The following SLCO1A2 variants were observed in gnomAD, a reference collection of about 807,000 sequenced individuals.
SLCO1A2 encodes the protein solute carrier organic anion transporter family member 1A2.
Under a neutral mutation model 69.0 loss-of-function variants are expected in SLCO1A2, and 67 were observed. That is an observed-to-expected ratio of 0.97 (90% CI 0.80 to 1.19). The LOEUF (loss-of-function observed/expected upper bound fraction) is 1.19. SLCO1A2 is among the 50% of genes most tolerant of loss of function. The pLI, the probability that SLCO1A2 is intolerant of heterozygous loss-of-function variation, is 0.00. For synonymous variants in SLCO1A2, 260 were observed against 265.9 expected, an observed-to-expected ratio of 0.98 and a Z score of 0.22; for missense variants, 787 against 793.7, an observed-to-expected ratio of 0.99 and a Z score of 0.10.
At chr12:21,272,550 C>T (rs189800080) in intron 14 of SLCO1A2, among the ~76,000 whole-genome samples, 102 of 151,694 alleles carry the variant, frequency 6.7e-4, no homozygotes, top group African/African-American at 2.4e-3. Context: ...TTAATTTTTT[C>T]CCTTTAACTT....
chr12:21,316,735 T>C (rs953127277), intron 3 of SLCO1A2, among the ~76,000 whole-genome samples: 1 of 152,150 alleles, frequency 6.6e-6, no homozygotes, highest in Admixed American at 6.5e-5. Flanking sequence ...CCCTATATCC[T>C]CTCCCTGAAT....
intron 12 of SLCO1A2, among the ~76,000 whole-genome samples, chr12:21,285,898 T>C (rs1945689443): frequency 6.6e-6 from 1 of 151,114 alleles, no homozygotes; most frequent in Non-Finnish European, 1.5e-5. Context: ...CCACAGCCAA[T>C]ATCATACTGA....
chr12:21,367,237 C>A (rs1427884023), intron 2 of SLCO1A2, among the ~76,000 whole-genome samples: 1 of 152,092 alleles, frequency 6.6e-6, no homozygotes, highest in Non-Finnish European at 1.5e-5. Context: ...TGCTCAGAAA[C>A]AAAAGGTCTC....
At position 21,269,660 on chromosome 12, in the gene SLCO1A2, G is replaced by C; in HGVS notation, c.1901C>G (p.Ser634Cys). 1 of 1,612,590 alleles carries C rather than the reference G, an allele frequency of 6.2e-7. No homozygotes were observed. Among genetic ancestry groups the C allele is most frequent in the Non-Finnish European group, 8.5e-7 (1 of 1,179,062 alleles). ...TGTCTCTATAAGCTCTGTTCCTGAA[G>C]AGGCATTTTCACCAGGTAGATGACA... Reference protein sequence around the residue: ...RKCHLPGENASSGTELIETKV... With the variant: ...RKCHLPGENACSGTELIETKV... The change falls in exon 15 of 15, where the codon TCT becomes TGT. Residue 634 changes from serine (S) to cysteine (C), a missense_variant. By Grantham distance (112) the Ser-to-Cys change is moderately radical. Coordinates refer to ENST00000683939, the MANE Select transcript of SLCO1A2 (RefSeq NM_001386879.1).
At chr12:21,401,941 T>C (rs1342983031) in intron 1 of SLCO1A2, among the ~76,000 whole-genome samples, 2 of 151,556 alleles carry the variant, frequency 1.3e-5, no homozygotes, top group African/African-American at 4.8e-5. Flanking sequence ...AGAGAAAGTA[T>C]AGCTTCTTTA....
intron 12 of SLCO1A2, among the ~76,000 whole-genome samples, chr12:21,280,652 T>G (rs1944621783): frequency 6.6e-6 from 1 of 150,864 alleles, no homozygotes; most frequent in Non-Finnish European, 1.5e-5. Flanking sequence ...ACACCTCACT[T>G]TCAGCATTGG....
At chr12:21,403,993 A>G (rs567669326) in intron 1 of SLCO1A2, among the ~76,000 whole-genome samples, 13 of 152,224 alleles carry the variant, frequency 8.5e-5, no homozygotes, top group African/African-American at 2.9e-4. Context: ...AAATGACACC[A>G]AAACGGGAAT....
At chr12:21,285,796 C>T (rs1406853796) in intron 12 of SLCO1A2, among the ~76,000 whole-genome samples, 1 of 151,930 alleles carries the variant, frequency 6.6e-6, no homozygotes, top group Non-Finnish European at 1.5e-5. Context: ...AAGCCTTTGA[C>T]AAAATGCACC....
At chr12:21,293,040 T>TA (rs1273700360) in intron 11 of SLCO1A2, among the ~76,000 whole-genome samples, 1 of 152,106 alleles carries the variant, frequency 6.6e-6, no homozygotes, top group Non-Finnish European at 1.5e-5. Flanking sequence ...CGCAGTGGCT[T>TA]ACGCCTGTAA....
intron 1 of SLCO1A2, among the ~76,000 whole-genome samples, chr12:21,409,495 T>C (rs569703389): frequency 5.2e-4 from 79 of 152,218 alleles, no homozygotes; most frequent in Non-Finnish European, 1.0e-3. Flanking sequence ...TGATATTACA[T>C]CTAACAAAGC....
At chr12:21,313,090 CATAA>C (rs997519050) in intron 4 of SLCO1A2, among the ~76,000 whole-genome samples, 4 of 151,994 alleles carry the variant, frequency 2.6e-5, no homozygotes, top group African/African-American at 9.7e-5. Context: ...AAAAGAAATA[CATAA>C]ATAAATAAAT....
intron 1 of SLCO1A2, among the ~76,000 whole-genome samples, chr12:21,416,627 A>T (rs564926800): frequency 1.3e-5 from 2 of 151,842 alleles, no homozygotes; most frequent in East Asian, 3.9e-4. Context: ...TTTTTTTAAG[A>T]GACAGGGTCT....
intron 1 of SLCO1A2, among the ~76,000 whole-genome samples, chr12:21,413,043 C>T (rs1312932017): frequency 5.9e-5 from 9 of 152,028 alleles, no homozygotes; most frequent in Admixed American, 4.6e-4. Flanking sequence ...AAAGTATACT[C>T]CAATAAATGA....
chr12:21,413,963 C>G (rs758061095), intron 1 of SLCO1A2, among the ~76,000 whole-genome samples: 6 of 152,100 alleles, frequency 3.9e-5, no homozygotes, highest in Non-Finnish European at 5.9e-5. Context: ...ACTTAGCAAG[C>G]TTTTTGTTTG....
At chr12:21,374,145 G>A (rs542660714) in intron 2 of SLCO1A2, among the ~76,000 whole-genome samples, 5 of 152,198 alleles carry the variant, frequency 3.3e-5, no homozygotes, top group African/African-American at 9.6e-5. Context: ...GTCTTATTAC[G>A]AAAGGTTTCA....
intron 1 of SLCO1A2, among the ~76,000 whole-genome samples, chr12:21,391,260 C>T (rs1405678567): frequency 1.3e-5 from 2 of 152,086 alleles, no homozygotes; most frequent in Admixed American, 6.5e-5. Flanking sequence ...TTTAAAAATA[C>T]CCATTTATAG....
At chr12:21,340,942 G>A (rs1953048904) in intron 2 of SLCO1A2, among the ~76,000 whole-genome samples, 2 of 152,006 alleles carry the variant, frequency 1.3e-5, no homozygotes, top group Admixed American at 6.6e-5. Flanking sequence ...TACAATTAGA[G>A]ATAATAATAA....
chr12:21,343,433 T>C (rs966270095), intron 2 of SLCO1A2, among the ~76,000 whole-genome samples: 7 of 152,230 alleles, frequency 4.6e-5, no homozygotes, highest in Middle Eastern at 6.8e-3. Context: ...TGTACAAAAT[T>C]GGCCCCTTTT....
rs11045959 is a variant in SLCO1A2, at chr12:21,304,418, C to T, written c.589+9G>A. ...CTGAAAAGAAGCTAAGGTAGATTTC[C>T]ATACTTACCAATATATAAAGGAGAA... On this transcript the variant is annotated intron_variant, in intron 6 of 14. Coordinates refer to ENST00000683939, the MANE Select transcript of SLCO1A2 (RefSeq NM_001386879.1). 17,396 of 1,595,094 alleles carry T rather than the reference C, an allele frequency of 0.011. 1,488 individuals are homozygous for T. In the African/African-American group the frequency reaches 0.2, roughly 18 times the overall value.
Sources: gnomAD v4.1 joint callset for allele counts (sites outside exome capture counted in the v4.1 genomes callset) on GRCh38, gnomAD v4.1.1 for gene constraint, MANE v1.5 for transcripts, NCBI Gene and HGNC (gene_info 2026-07-23, HGNC 2026-07-21) for gene names.